CELF2: variants seen among roughly 807,000 people sequenced by gnomAD.
The protein encoded by CELF2 is CUGBP Elav-like family member 2.
A neutral mutation model predicts 62.6 loss-of-function variants in CELF2; 8 were observed. The observed-to-expected ratio is 0.13, with a 90% CI of 0.07 to 0.23. The LOEUF (loss-of-function observed/expected upper bound fraction) is 0.23, where lower values mean the gene tolerates loss of function less well. Among genes scored for constraint, CELF2 ranks in the 10% least tolerant of loss-of-function variants. The pLI is 1.00. For synonymous variants in CELF2, 258 were observed against 250.0 expected (o/e 1.03, Z -0.30); for missense variants, 333 against 671.0 (o/e 0.50, Z 5.56).
At chr10:11,003,285 A>C (rs1360113656), upstream of CELF2, among the ~76,000 whole-genome samples, 1 of 152,218 alleles carries the variant, frequency 6.6e-6, no homozygotes, top group Non-Finnish European at 1.5e-5. The surrounding 1 kb of genome is among the most constrained non-coding windows in gnomAD (Gnocchi z 4.4). Flanking sequence ...ATTTCACTGT[A>C]GGAACAGCCC....
chr10:10,469,474 C>T, the CELF2 span, among the ~76,000 whole-genome samples: 1 of 151,776 alleles, frequency 6.6e-6, no homozygotes, highest in South Asian at 2.1e-4. Context: ...GGTGAAGTCC[C>T]CTTCTATGCC....
At chr10:10,554,899 G>T in the CELF2 span, among the ~76,000 whole-genome samples, 1 of 152,136 alleles carries the variant, frequency 6.6e-6, no homozygotes, top group African/African-American at 2.4e-5. Flanking sequence ...TAATCCTAGA[G>T]ATGTTACAAA....
intron 1 of CELF2, among the ~76,000 whole-genome samples, chr10:11,114,969 T>C (rs2056217410): frequency 6.6e-6 from 1 of 152,110 alleles, no homozygotes; most frequent in Admixed American, 6.5e-5. Context: ...TCCCAACATG[T>C]AGTATATGTA....
At chr10:11,287,125 C>T (rs552875858) in intron 8 of CELF2, among the ~76,000 whole-genome samples, 155 of 152,292 alleles carry the variant, frequency 1.0e-3, no homozygotes, top group African/African-American at 3.6e-3. Flanking sequence ...ACACACATTA[C>T]GGAAGCAGCT....
chr10:10,827,098 G>GTTGTTTGTTTGTTTGT (rs147677000), intron 1 of CELF2, among the ~76,000 whole-genome samples: 1 of 151,210 alleles, frequency 6.6e-6, no homozygotes, highest in Non-Finnish European at 1.5e-5. Flanking sequence ...ATCAAAGAGG[G>GTTGTTTGTTTGTTTGT]TTGTTTGTTT....
Position 11,211,809 on chromosome 10 carries a change from AGAGAGTGTGT to A in CELF2, c.272-5614_272-5605del, listed in dbSNP as rs71378783. 0.025 allele frequency among the ~76,000 whole-genome samples: 3,196 copies of A among 129,770 alleles called. 34 individuals carry two copies. Among genetic ancestry groups the A allele is most frequent in the Middle Eastern group, 0.028 (7 of 246 alleles). 85.1% of individuals were successfully genotyped at this position (129,770 alleles called of 152,430 possible). ...ATGTGTGTGAGAGAGAGAGAGAGAG[AGAGAGTGTGT>A]GTGTGTGTGTGTGTGTGTGTGTGTG... On this transcript the variant is annotated intron_variant, in intron 2 of 12. Coordinates refer to ENST00000633077, the MANE Select transcript of CELF2 (RefSeq NM_001326342.2). The surrounding 1 kb of genome is among the most constrained non-coding windows in gnomAD (Gnocchi z 4.8).
chr10:10,788,325 C>T, the CELF2 span, among the ~76,000 whole-genome samples: 5 of 151,502 alleles, frequency 3.3e-5, no homozygotes, highest in African/African-American at 1.2e-4. Flanking sequence ...GAGAATGGTC[C>T]TGGTTTTCTG....
the CELF2 span, among the ~76,000 whole-genome samples, chr10:10,501,223 C>T: frequency 2.0e-5 from 3 of 152,184 alleles, no homozygotes; most frequent in African/African-American, 7.2e-5. Flanking sequence ...ATTTCCACAG[C>T]AATGTATGAG....
In CELF2 at chr10:10,904,229, T is replaced by TA. The variant is rs1220930828; in HGVS notation, c.54-15735_54-15734insA. Among the ~76,000 whole-genome samples, 6 of 3,162 alleles carry TA rather than the reference T, an allele frequency of 1.9e-3. No individual in the cohort carries two copies. The East Asian group carries it at 0.13, about 69-fold the overall frequency. 2.1% of individuals were successfully genotyped at this position (3,162 alleles called of 152,430 possible). A position where few individuals can be genotyped will look rare whatever the true frequency, so the allele number is the denominator to read the frequency against. On this transcript the variant is annotated intron_variant, in intron 1 of 13. Transcript: ENST00000636488. Reference sequence around the variant, plus strand: ...GCCTTGTAATTCTATCCATTTTTAATTTTTTTTTTTGTTTAGAGACAGGGT... The same window carrying TA: ...GCCTTGTAATTCTATCCATTTTTAATATTTTTTTTTTGTTTAGAGACAGGGT...
At chr10:10,593,979 C>T in the CELF2 span, among the ~76,000 whole-genome samples, 1 of 152,224 alleles carries the variant, frequency 6.6e-6, no homozygotes, top group Non-Finnish European at 1.5e-5. Context: ...GTGATGAGCA[C>T]CCATGATGCA....
chr10:10,653,693 G>A, the CELF2 span, among the ~76,000 whole-genome samples: 1 of 146,458 alleles, frequency 6.8e-6, no homozygotes, highest in African/African-American at 2.5e-5. Flanking sequence ...CAACATACCA[G>A]AATCTCTGGG....
chr10:11,066,096 G>A lies in CELF2; in HGVS notation c.74+47933G>A, dbSNP rs898060389. Among the ~76,000 whole-genome samples the A allele has an allele frequency of 3.9e-5, 6 of 152,174 alleles. 1 individual carries two copies. Among genetic ancestry groups the A allele is most frequent in the Admixed American group, 3.3e-4 (5 of 15,286 alleles). On this transcript the variant is annotated intron_variant, in intron 1 of 12. Transcript: ENST00000633077. ...AGGAAAAAAGGAGATCAGGCCACCG[G>A]AAGTGGGGTCCCAGCCACACAGGGC...
At chr10:11,249,959 G>T (rs796489185) in intron 4 of CELF2, among the ~76,000 whole-genome samples, 10 of 152,318 alleles carry the variant, frequency 6.6e-5, no homozygotes, top group African/African-American at 1.9e-4. Flanking sequence ...CCATAAGACT[G>T]ACATAATCAG....
the CELF2 span, among the ~76,000 whole-genome samples, chr10:10,764,297 C>CA: frequency 1.6e-4 from 25 of 152,184 alleles, no homozygotes; most frequent in African/African-American, 4.3e-4. Flanking sequence ...AAATTGTTTT[C>CA]AAAAAAACAT....
chr10:10,469,497 A>G, the CELF2 span, among the ~76,000 whole-genome samples: 1 of 151,860 alleles, frequency 6.6e-6, no homozygotes, highest in Non-Finnish European at 1.5e-5. Flanking sequence ...GTTTGCTGAG[A>G]GTTTTCGTAA....
the CELF2 span, among the ~76,000 whole-genome samples, chr10:10,700,981 G>T: frequency 6.6e-6 from 1 of 152,156 alleles, no homozygotes. Flanking sequence ...CTTTTATTCT[G>T]CTGCACTTCA....
At chr10:10,774,795 G>T in the CELF2 span, among the ~76,000 whole-genome samples, 5 of 152,154 alleles carry the variant, frequency 3.3e-5, no homozygotes, top group Non-Finnish European at 7.4e-5. Context: ...CGGGTTTAGG[G>T]CACTGGTGGC....
At chr10:10,684,987 C>T in the CELF2 span, among the ~76,000 whole-genome samples, 1 of 151,946 alleles carries the variant, frequency 6.6e-6, no homozygotes, top group Non-Finnish European at 1.5e-5. Flanking sequence ...AGAGCAAAAC[C>T]AACAAAGACA....
chr10:10,956,823 A>G (rs539357958), intron 2 of CELF2, among the ~76,000 whole-genome samples: 73 of 152,048 alleles, frequency 4.8e-4, no homozygotes, highest in Non-Finnish European at 6.0e-4. Flanking sequence ...AGTCCCAGCT[A>G]TTTGGGAGGC....
Sources: gnomAD v4.1 joint callset for allele counts (sites outside exome capture counted in the v4.1 genomes callset) on GRCh38, gnomAD v4.1.1 for gene constraint, Gnocchi (gnomAD v3.1) non-coding constraint, MANE v1.5 for transcripts, NCBI Gene and HGNC (gene_info 2026-07-23, HGNC 2026-07-21) for gene names.